The following NUSAP1 variants were observed in gnomAD, a reference collection of about 807,000 sequenced individuals.
NUSAP1 encodes nucleolar and spindle associated protein 1, also known as nucleolar and spindle-associated protein 1.
NUSAP1 carries 32 observed loss-of-function variants against 52.8 expected under a neutral mutation model. That is an observed-to-expected ratio of 0.61 (90% CI 0.46 to 0.81). NUSAP1 has a LOEUF of 0.81. Among genes scored for constraint, NUSAP1 ranks in the 40% least tolerant of loss-of-function variants. The probability of loss-of-function intolerance (pLI) is 0.00; values close to 1 mark genes in which losing one functional copy is unlikely to be tolerated. For synonymous variants in NUSAP1, 195 were observed against 183.1 expected, an observed-to-expected ratio of 1.06 and a Z score of -0.52; for missense variants, 499 against 522.3, an observed-to-expected ratio of 0.96 and a Z score of 0.43.
At chr15:41,349,711 C>CT (rs2048708823) in intron 3 of NUSAP1, among the ~76,000 whole-genome samples, 1 of 150,700 alleles carries the variant, frequency 6.6e-6, no homozygotes. Flanking sequence ...TTATCTTATC[C>CT]TTTTATTCAA....
At chr15:41,375,643 A>G (rs745689113) in intron 8 of NUSAP1, 69 bp from the exon 9 acceptor site, 22 of 1,010,080 alleles carry the variant, frequency 2.2e-5, no homozygotes, top group Non-Finnish European at 3.3e-5. Context: ...GAGAAGTAAC[A>G]CTTTGATAAA....
chr15:41,361,656 C>T (rs1180704464), intron 6 of NUSAP1, among the ~76,000 whole-genome samples: 1 of 151,770 alleles, frequency 6.6e-6, no homozygotes, highest in East Asian at 2.0e-4. Context: ...ACGACTGTCT[C>T]AACCATAAAC....
chr15:41,371,685 G>GT lies in NUSAP1; in HGVS notation c.1006+2dup. On this transcript the variant is annotated splice_donor_variant, in intron 8 of 10. Transcript: ENST00000559596. LOFTEE classifies it high-confidence loss of function. ...ACCATCACGGGGAATTCTGCTGCTGGTAAAAAAAAAAAAAAACAAAAGAAA... is the reference window on the plus strand; with the variant it reads ...ACCATCACGGGGAATTCTGCTGCTGGTTAAAAAAAAAAAAAAACAAAAGAAA... 1 of 1,560,788 alleles carries GT rather than the reference G, an allele frequency of 6.4e-7. No homozygotes were observed. The highest frequency in any genetic ancestry group is 8.6e-7 in the Non-Finnish European group (1 of 1,162,494).
At chr15:41,361,868 C>A (rs143952353) in intron 6 of NUSAP1, among the ~76,000 whole-genome samples, 143 of 152,074 alleles carry the variant, frequency 9.4e-4, no homozygotes, top group African/African-American at 3.4e-3. Context: ...AAAAAAATTA[C>A]AATAACTTCA....
intron 10 of NUSAP1, among the ~76,000 whole-genome samples, chr15:41,378,923 A>AGATTATAT: frequency 7.1e-6 from 1 of 141,630 alleles, no homozygotes; most frequent in East Asian, 2.0e-4. Flanking sequence ...AAAAAGCCCA[A>AGATTATAT]GATTATATTA....
chr15:41,360,563 G>A (rs1407916735), intron 6 of NUSAP1, among the ~76,000 whole-genome samples: 1 of 151,930 alleles, frequency 6.6e-6, no homozygotes, highest in Non-Finnish European at 1.5e-5. Flanking sequence ...TGATCCACCT[G>A]CCTCAGCCTC....
chr15:41,364,320 G>A (rs1306182462), intron 6 of NUSAP1, among the ~76,000 whole-genome samples: 1 of 152,124 alleles, frequency 6.6e-6, no homozygotes, highest in Non-Finnish European at 1.5e-5. Context: ...GGCTGAGGCA[G>A]GCAGATCACA....
intron 4 of NUSAP1, chr15:41,351,939 T>C (rs2140639130): frequency 6.7e-6 from 1 of 149,814 alleles, no homozygotes. Flanking sequence ...CACCATGTTA[T>C]AGAATTTCTT....
intron 7 of NUSAP1, among the ~76,000 whole-genome samples, chr15:41,367,315 T>C (rs1255183970): frequency 9.2e-5 from 14 of 152,242 alleles, no homozygotes; most frequent in East Asian, 1.9e-4. Context: ...CTTGAGAGTC[T>C]CTCCCGTTCC....
chr15:41,339,922 C>G (rs1368974226), intron 1 of NUSAP1, among the ~76,000 whole-genome samples: 1 of 152,070 alleles, frequency 6.6e-6, no homozygotes, highest in Admixed American at 6.6e-5. Context: ...GCTCAGACTA[C>G]AGGTGCCCAC....
intron 6 of NUSAP1, among the ~76,000 whole-genome samples, chr15:41,361,602 TGGATGAC>T (rs1285169098): frequency 1.3e-5 from 2 of 152,118 alleles, no homozygotes; most frequent in Non-Finnish European, 2.9e-5. Flanking sequence ...TTTTGTAATA[TGGATGAC>T]ATAATTTTCT....
intron 1 of NUSAP1, among the ~76,000 whole-genome samples, chr15:41,337,918 TC>T (rs1294239743): frequency 6.7e-6 from 1 of 149,194 alleles, no homozygotes. Flanking sequence ...CATTTTTTTT[TC>T]TTTTCTTTTT....
In NUSAP1 at chr15:41,370,376, C is replaced by T. The variant is rs535417292; in HGVS notation, c.849-1151C>T. Among the ~76,000 whole-genome samples, 18 of 151,906 alleles carry T rather than the reference C, an allele frequency of 1.2e-4. No individual in the cohort carries two copies. The East Asian group carries it at 2.9e-3, about 25-fold the overall frequency. ...CAGCCTGGGCGACATAGCGAGACTC[C>T]GTCTCCAAATGGGTGAATGGTTGAA... On this transcript the variant is annotated intron_variant, in intron 7 of 10. Transcript: ENST00000559596.
intron 1 of NUSAP1, among the ~76,000 whole-genome samples, chr15:41,334,948 A>G (rs1319615315): frequency 6.6e-6 from 1 of 152,196 alleles, no homozygotes; most frequent in Non-Finnish European, 1.5e-5. Context: ...GAGGGAAACT[A>G]GATGAAGTAA....
intron 2 of NUSAP1, among the ~76,000 whole-genome samples, chr15:41,345,274 A>G (rs898098924): frequency 3.3e-5 from 5 of 150,660 alleles, no homozygotes; most frequent in African/African-American, 1.2e-4. Context: ...TGCTGGGATT[A>G]CAGACGCTCT....
At position 41,365,419 on chromosome 15, in the gene NUSAP1, G is replaced by GGGA; in HGVS notation, c.681_683dup (p.Gly228dup). 1 of 1,609,098 alleles carries GGGA rather than the reference G, an allele frequency of 6.2e-7. No individual in the cohort carries two copies. The highest frequency in any genetic ancestry group is 2.2e-5 in the East Asian group (1 of 44,716). On this transcript the variant is annotated inframe_insertion, in exon 7 of 11. Coordinates refer to ENST00000559596, the MANE Select transcript of NUSAP1 (RefSeq NM_016359.5). ...CTCTTCAGCAGCAGCCCATCAATAAGGGAGGGGTCAGGACTCCAGTACCTC... is the reference window on the plus strand; with the variant it reads ...CTCTTCAGCAGCAGCCCATCAATAAGGGAGGAGGGGTCAGGACTCCAGTACCTC...
intron 1 of NUSAP1, among the ~76,000 whole-genome samples, chr15:41,333,989 A>G (rs1305236206): frequency 1.3e-5 from 2 of 152,236 alleles, no homozygotes; most frequent in Admixed American, 6.5e-5. Context: ...GCGGTTTTAT[A>G]TATTTTGTTA....
chr15:41,368,794 G>T (rs1364367635), intron 7 of NUSAP1, among the ~76,000 whole-genome samples: 1 of 130,870 alleles, frequency 7.6e-6, no homozygotes, highest in Non-Finnish European at 1.6e-5. Context: ...GTGTGGTGGC[G>T]CAATCTCGGC....
intron 10 of NUSAP1, among the ~76,000 whole-genome samples, chr15:41,377,632 G>A (rs2050005119): frequency 6.6e-6 from 1 of 150,578 alleles, no homozygotes; most frequent in African/African-American, 2.4e-5. Flanking sequence ...CCAGGAGGCA[G>A]AGCTTGCAGT....
Sources: allele counts gnomAD v4.1 joint callset (sites outside exome capture counted in the v4.1 genomes callset), GRCh38; gene constraint gnomAD v4.1.1; transcripts MANE v1.5; gene names NCBI Gene and HGNC (gene_info 2026-07-23, HGNC 2026-07-21).